The following NCOA2 variants were observed in gnomAD, a reference collection of about 807,000 sequenced individuals.
NCOA2 encodes class E basic helix-loop-helix protein 75.
Under a neutral mutation model 145.1 loss-of-function variants are expected in NCOA2, and 21 were observed. The observed-to-expected ratio is 0.14, with a 90% CI of 0.10 to 0.21. The LOEUF is 0.21. Among genes scored for constraint, NCOA2 ranks in the 10% least tolerant of loss-of-function variants. The probability of loss-of-function intolerance (pLI) is 1.00; values close to 1 mark genes in which losing one functional copy is unlikely to be tolerated. For missense variants in NCOA2, 1,472 were observed against 1,837.6 expected, an observed-to-expected ratio of 0.80 and a Z score of 3.64; for synonymous variants, 619 against 637.5, an observed-to-expected ratio of 0.97 and a Z score of 0.44.
chr8:70,191,298 C>T (rs1422995544), intron 4 of NCOA2, among the ~76,000 whole-genome samples: 4 of 152,200 alleles, frequency 2.6e-5, no homozygotes, highest in Non-Finnish European at 4.4e-5. Flanking sequence ...AAACTTCTAT[C>T]AATTTGAAGC....
In NCOA2 at chr8:70,301,655, C is replaced by CAAAAA. The variant is rs71275063; in HGVS notation, c.-76-4860_-76-4856dup. On this transcript the variant is annotated intron_variant, in intron 1 of 22. Coordinates refer to ENST00000452400, the MANE Select transcript of NCOA2 (RefSeq NM_006540.4). ...TAGGTGACAGAGTGAGACCCTTTCT[C>CAAAAA]AAAAAAAAAAAAAAAAAAAAAAAAA... Among the ~76,000 whole-genome samples the CAAAAA allele has an allele frequency of 7.7e-3, 464 of 60,072 alleles. 8 individuals carry two copies. Among genetic ancestry groups the CAAAAA allele is most frequent in the Middle Eastern group, 0.024 (2 of 84 alleles). 39.4% of individuals were successfully genotyped at this position (60,072 alleles called of 152,430 possible).
chr8:70,250,915 TTA>T (rs757327726), intron 2 of NCOA2, among the ~76,000 whole-genome samples: 1 of 152,194 alleles, frequency 6.6e-6, no homozygotes, highest in Non-Finnish European at 1.5e-5. Context: ...ATGAAATAAT[TTA>T]TATGTTAAAT....
At chr8:70,253,145 T>C (rs964010480) in intron 2 of NCOA2, among the ~76,000 whole-genome samples, 2 of 152,208 alleles carry the variant, frequency 1.3e-5, no homozygotes, top group Non-Finnish European at 2.9e-5. Flanking sequence ...GCAGTCACAG[T>C]GGCAAGCATG....
chr8:70,308,722 A>G (rs1340908723), intron 1 of NCOA2, among the ~76,000 whole-genome samples: 1 of 152,194 alleles, frequency 6.6e-6, no homozygotes, highest in Admixed American at 6.6e-5. Flanking sequence ...AAACTACAGC[A>G]TGGAGAGAAA....
chr8:70,309,930 G>A (rs1343307508), intron 1 of NCOA2, among the ~76,000 whole-genome samples: 4 of 152,148 alleles, frequency 2.6e-5, no homozygotes, highest in Middle Eastern at 6.8e-3. Context: ...CTCCAGCATG[G>A]AGACAGAGCA....
At chr8:70,183,866 T>C (rs1001613896) in intron 4 of NCOA2, among the ~76,000 whole-genome samples, 1 of 152,212 alleles carries the variant, frequency 6.6e-6, no homozygotes, top group Non-Finnish European at 1.5e-5. Flanking sequence ...ATTTGCTGCC[T>C]GGCACATAGT....
chr8:70,130,319 G>A (rs1372952264), intron 16 of NCOA2, among the ~76,000 whole-genome samples: 1 of 152,076 alleles, frequency 6.6e-6, no homozygotes, highest in Non-Finnish European at 1.5e-5. Context: ...GATTTGATGA[G>A]ACAAAATAGA....
intron 1 of NCOA2, among the ~76,000 whole-genome samples, chr8:70,352,924 A>G (rs1168629872): frequency 1.3e-5 from 2 of 152,104 alleles, no homozygotes; most frequent in Non-Finnish European, 2.9e-5. Flanking sequence ...TAACACCCAT[A>G]AGAGCTTATT....
intron 1 of NCOA2, among the ~76,000 whole-genome samples, chr8:70,376,164 C>CTTT (rs1161604453): frequency 1.6e-4 from 24 of 152,140 alleles, no homozygotes; most frequent in Non-Finnish European, 2.9e-4. Flanking sequence ...TAAGTATTTC[C>CTTT]AAATACAAAA....
intron 1 of NCOA2, among the ~76,000 whole-genome samples, chr8:70,361,840 G>A (rs990155342): frequency 6.6e-6 from 1 of 152,200 alleles, no homozygotes; most frequent in Non-Finnish European, 1.5e-5. Context: ...GTTTAACAGT[G>A]AAGTAGGAGT....
intron 2 of NCOA2, among the ~76,000 whole-genome samples, chr8:70,290,672 A>G (rs1826606014): frequency 6.6e-6 from 1 of 152,198 alleles, no homozygotes; most frequent in Admixed American, 6.5e-5. Flanking sequence ...AGAAATACCT[A>G]TATCCTAATG....
At chr8:70,430,594 C>A in the NCOA2 span, among the ~76,000 whole-genome samples, 2 of 152,200 alleles carry the variant, frequency 1.3e-5, no homozygotes, top group Non-Finnish European at 2.9e-5. Flanking sequence ...TTTGGCTCAA[C>A]CACTGCCTCA....
intron 5 of NCOA2, among the ~76,000 whole-genome samples, 152 bp downstream of exon 5, chr8:70,174,604 T>C (rs1387437311): frequency 6.6e-6 from 1 of 152,184 alleles, no homozygotes; most frequent in Non-Finnish European, 1.5e-5. Context: ...AAAACATACA[T>C]AGAGACACAC....
intron 4 of NCOA2, among the ~76,000 whole-genome samples, chr8:70,191,286 T>C (rs1308550935): frequency 6.6e-6 from 1 of 152,206 alleles, no homozygotes; most frequent in Non-Finnish European, 1.5e-5. Flanking sequence ...AAATCAAAGA[T>C]AAAACTTCTA....
At chr8:70,393,092 G>A (rs1813348376) in intron 1 of NCOA2, among the ~76,000 whole-genome samples, 2 of 152,166 alleles carry the variant, frequency 1.3e-5, no homozygotes. Context: ...CAAGCCCAGT[G>A]AAGACAGGGA....
At chr8:70,211,809 T>C (rs1478182996) in intron 4 of NCOA2, among the ~76,000 whole-genome samples, 1 of 152,176 alleles carries the variant, frequency 6.6e-6, no homozygotes, top group African/African-American at 2.4e-5. Flanking sequence ...TTTTTTCATT[T>C]GGTATTTAAG....
At chr8:70,216,365 A>G (rs1490384848) in intron 3 of NCOA2, among the ~76,000 whole-genome samples, 1 of 152,200 alleles carries the variant, frequency 6.6e-6, no homozygotes, top group Admixed American at 6.5e-5. Context: ...CCTTTTTACT[A>G]TAGGATCTTC....
chr8:70,257,747 T>G (rs1004165756), intron 2 of NCOA2, among the ~76,000 whole-genome samples: 1 of 152,084 alleles, frequency 6.6e-6, no homozygotes, highest in Non-Finnish European at 1.5e-5. Context: ...ACTTGGCCTC[T>G]ACCAGAAAAC....
chr8:70,336,583 C>T lies in NCOA2; in HGVS notation c.-76-39783G>A, dbSNP rs118013207. On this transcript the variant is annotated intron_variant, in intron 1 of 22. Coordinates refer to ENST00000452400, the MANE Select transcript of NCOA2 (RefSeq NM_006540.4). ...TGAAGGGGAAGCAAGGCACATCTTA[C>T]ATGGTGGCAGGAGAGACAGAGACAG... Among the ~76,000 whole-genome samples the T allele has an allele frequency of 6.3e-3, 945 of 150,382 alleles. 30 individuals carry two copies. Among genetic ancestry groups the T allele is most frequent in the Admixed American group, 0.044 (662 of 15,176 alleles).
Sources: allele counts gnomAD v4.1 joint callset (sites outside exome capture counted in the v4.1 genomes callset), GRCh38; gene constraint gnomAD v4.1.1; transcripts MANE v1.5; gene names NCBI Gene and HGNC (gene_info 2026-07-23, HGNC 2026-07-21).